The following ATE1 variants were observed in gnomAD, a reference collection of about 807,000 sequenced individuals.
The protein encoded by ATE1 is arginyltransferase 1.
ATE1 carries 36 observed loss-of-function variants against 70.5 expected under a neutral mutation model. That is an observed-to-expected ratio of 0.51 (90% CI 0.39 to 0.67). The LOEUF (loss-of-function observed/expected upper bound fraction) is 0.67. ATE1 is among the 30% of genes least tolerant of loss of function. ATE1 has a pLI of 0.00. For synonymous variants in ATE1, 232 were observed against 219.3 expected (o/e 1.06, Z -0.51); for missense variants, 593 against 629.5 (o/e 0.94, Z 0.62).
intron 5 of ATE1, among the ~76,000 whole-genome samples, chr10:121,906,846 G>C (rs1048226569): frequency 6.6e-6 from 1 of 152,074 alleles, no homozygotes; most frequent in Non-Finnish European, 1.5e-5. Flanking sequence ...TGATCCGCCT[G>C]TCTCGGCCTC....
At chr10:121,853,667 G>T (rs1949140688) in intron 8 of ATE1, among the ~76,000 whole-genome samples, 1 of 151,848 alleles carries the variant, frequency 6.6e-6, no homozygotes, top group Non-Finnish European at 1.5e-5. Context: ...TTAAATCATT[G>T]TTAAAAAAAA....
chr10:121,833,123 T>C (rs1400894796), intron 10 of ATE1, among the ~76,000 whole-genome samples: 2 of 152,196 alleles, frequency 1.3e-5, no homozygotes, highest in Non-Finnish European at 2.9e-5. Flanking sequence ...AAGCAACTTC[T>C]CCAAACTGTT....
chr10:121,887,199 C>A (rs1407377044), intron 7 of ATE1, among the ~76,000 whole-genome samples: 2 of 152,130 alleles, frequency 1.3e-5, no homozygotes, highest in Admixed American at 6.6e-5. Context: ...CACCTGGTGG[C>A]GGAGTGAGAC....
At chr10:121,861,610 G>A (rs1371515748) in intron 8 of ATE1, among the ~76,000 whole-genome samples, 1 of 132,766 alleles carries the variant, frequency 7.5e-6, no homozygotes, top group Admixed American at 7.7e-5. Flanking sequence ...CGGGAGGGGG[G>A]AGGGGGGAGG....
At chr10:121,859,280 G>A (rs1204443013) in intron 8 of ATE1, among the ~76,000 whole-genome samples, 2 of 146,498 alleles carry the variant, frequency 1.4e-5, no homozygotes, top group African/African-American at 2.5e-5. Context: ...TTTTTGAGAC[G>A]GAGTCTCAGT....
intron 11 of ATE1, among the ~76,000 whole-genome samples, chr10:121,758,441 C>T (rs1944896912): frequency 6.6e-6 from 1 of 152,138 alleles, no homozygotes; most frequent in African/African-American, 2.4e-5. Context: ...TCTAAAAATA[C>T]CTTTAAGTAG....
intron 10 of ATE1, among the ~76,000 whole-genome samples, chr10:121,798,679 T>A (rs1946753963): frequency 6.6e-6 from 1 of 152,070 alleles, no homozygotes; most frequent in African/African-American, 2.4e-5. Context: ...ATGGGTGGAT[T>A]ACTTGAGGTC....
At chr10:121,898,216 A>G (rs74362676) in intron 7 of ATE1, among the ~76,000 whole-genome samples, 20,052 of 152,178 alleles carry the variant, frequency 0.13, 1,521 homozygotes, top group East Asian at 0.19. Context: ...AAGGTCCCCA[A>G]CTTATAATGG....
chr10:121,912,745 CTTT>C (rs78920278), intron 4 of ATE1, among the ~76,000 whole-genome samples: 4 of 143,334 alleles, frequency 2.8e-5, no homozygotes, highest in Admixed American at 7.0e-5. Flanking sequence ...AACCTAATTC[CTTT>C]TTTTTTTTTT....
chr10:121,745,711 A>T (rs1253336030), intron 11 of ATE1, among the ~76,000 whole-genome samples: 9 of 145,640 alleles, frequency 6.2e-5, no homozygotes, highest in Admixed American at 5.6e-4. Context: ...TGGGCGACAG[A>T]GCAAGACTCT....
chr10:121,826,620 C>T (rs767197892), intron 10 of ATE1, among the ~76,000 whole-genome samples: 8 of 151,988 alleles, frequency 5.3e-5, no homozygotes, highest in Non-Finnish European at 7.4e-5. Flanking sequence ...AATTTTTTTC[C>T]AACTTTTATT....
chr10:121,921,356 A>G (rs1951874536), intron 3 of ATE1, among the ~76,000 whole-genome samples: 1 of 151,574 alleles, frequency 6.6e-6, no homozygotes, highest in African/African-American at 2.4e-5. Flanking sequence ...AGAAAGATAA[A>G]TAAGCTTTCC....
rs779317060 is a variant in ATE1 at position 121,841,219 on chromosome 10, A to G, written c.1020T>C (p.Phe340=). ...PNGPDCGYGS[F]HQQYWLDGKI... Reference sequence around the variant, plus strand: ...TTCCGTCAAGCCAGTACTGCTGGTGAAAGGAGCCATAGCCACAATCTGGCC... The same window carrying G: ...TTCCGTCAAGCCAGTACTGCTGGTGGAAGGAGCCATAGCCACAATCTGGCC... The change falls in exon 9 of 12, where the codon TTT becomes TTC. Residue 340 remains phenylalanine (F), a synonymous_variant. Transcript: ENST00000224652. 4.5e-6 allele frequency: 7 copies of G among 1,568,722 alleles called. No individual in the cohort carries two copies. In the South Asian group the frequency reaches 8.5e-5, roughly 19 times the overall value.
At chr10:121,899,200 T>TC (rs72511638) in intron 7 of ATE1, among the ~76,000 whole-genome samples, 1 of 148,750 alleles carries the variant, frequency 6.7e-6, no homozygotes, top group Non-Finnish European at 1.5e-5. Flanking sequence ...TTCTTTTTTT[T>TC]TTCTCTCTCT....
intron 5 of ATE1, among the ~76,000 whole-genome samples, chr10:121,903,103 C>T (rs902350827): frequency 3.3e-5 from 5 of 151,932 alleles, no homozygotes; most frequent in Non-Finnish European, 7.4e-5. Flanking sequence ...CTTGGACAGA[C>T]TGGTCTCAAA....
chr10:121,832,891 T>C (rs1948298990), intron 10 of ATE1, among the ~76,000 whole-genome samples: 1 of 152,146 alleles, frequency 6.6e-6, no homozygotes, highest in Non-Finnish European at 1.5e-5. Flanking sequence ...TAAACTAATC[T>C]AAGAAGTCTG....
chr10:121,806,708 C>T (rs997588388), intron 10 of ATE1, among the ~76,000 whole-genome samples: 1 of 152,044 alleles, frequency 6.6e-6, no homozygotes, highest in Non-Finnish European at 1.5e-5. Context: ...TGTTTGAAAC[C>T]TACTTTAAAT....
chr10:121,836,772 G>T lies in ATE1; in HGVS notation c.1203C>A (p.Leu401=), dbSNP rs1445198988. The T allele has an allele frequency of 2.5e-6, 4 of 1,603,024 alleles. No homozygotes were observed. In the African/African-American group the frequency reaches 5.4e-5, roughly 22 times the overall value. The part of the protein sequence containing the change: ...TRQLHEKTSQ[L]SYYYMGFYIH... Reference sequence around the variant, plus strand: ...TGTAGAAACCCATATAATAATAGCTGAGTTGAGAAGTTTTCTCATGAAGCT... The same window carrying T: ...TGTAGAAACCCATATAATAATAGCTTAGTTGAGAAGTTTTCTCATGAAGCT... Residue 401 remains leucine, a synonymous_variant, in exon 10 of 12, where the codon CTC becomes CTA. Coordinates refer to ENST00000224652, the MANE Select transcript of ATE1 (RefSeq NM_001001976.3).
At chr10:121,763,846 T>G (rs1945161499) in intron 11 of ATE1, among the ~76,000 whole-genome samples, 1 of 152,042 alleles carries the variant, frequency 6.6e-6, no homozygotes, top group African/African-American at 2.4e-5. Flanking sequence ...AAACCTCCAC[T>G]CTACTAAAAA....
Sources: allele counts gnomAD v4.1 joint callset (sites outside exome capture counted in the v4.1 genomes callset), GRCh38; gene constraint gnomAD v4.1.1; transcripts MANE v1.5; gene names NCBI Gene and HGNC (gene_info 2026-07-23, HGNC 2026-07-21).